The following STAC variants were observed in gnomAD, a reference collection of about 807,000 sequenced individuals.
STAC encodes SH3 and cysteine-rich domain-containing protein.
In STAC, 43 loss-of-function variants were observed where a neutral mutation model predicts 48.8. The observed-to-expected ratio is 0.88, with a 90% CI of 0.69 to 1.14. The LOEUF is 1.14. Ranked by LOEUF, STAC falls within the 50% of genes most tolerant of loss-of-function variation. The pLI, the probability that STAC is intolerant of heterozygous loss-of-function variation, is 0.00. For synonymous variants in STAC, 193 were observed against 179.5 expected (o/e 1.07, Z -0.60); for missense variants, 497 against 504.0 (o/e 0.99, Z 0.13).
chr3:36,437,170 T>A (rs1395890083), intron 1 of STAC, among the ~76,000 whole-genome samples: 9 of 151,546 alleles, frequency 5.9e-5, no homozygotes, highest in African/African-American at 2.2e-4. Flanking sequence ...ACTTTTACAC[T>A]GTTGGTGGGA....
intron 8 of STAC, among the ~76,000 whole-genome samples, chr3:36,512,003 AC>A (rs1362294059): frequency 3.3e-5 from 5 of 152,158 alleles, no homozygotes; most frequent in Admixed American, 2.0e-4. Flanking sequence ...CCTGGCTCAC[AC>A]CCTGAGGTCA....
At chr3:36,505,685 C>G in intron 7 of STAC, 61 bp from the exon 8 acceptor site, 1 of 1,154,654 alleles carries the variant, frequency 8.7e-7, no homozygotes, top group Non-Finnish European at 1.3e-6. Context: ...TGTTTTCTTT[C>G]TTTCCTCTCT....
intron 1 of STAC, among the ~76,000 whole-genome samples, chr3:36,411,332 A>G (rs918304916): frequency 5.3e-5 from 8 of 152,228 alleles, no homozygotes; most frequent in Non-Finnish European, 8.8e-5. Context: ...ATGATGTTCT[A>G]TAACACTGAG....
chr3:36,392,895 A>G (rs1443409656), intron 1 of STAC, among the ~76,000 whole-genome samples: 1 of 152,204 alleles, frequency 6.6e-6, no homozygotes, highest in Non-Finnish European at 1.5e-5. Context: ...CTCCAGCACT[A>G]TTCCTGTTGT....
Position 36,546,372 on chromosome 3 carries a change from G to A in STAC, c.*83G>A. On this transcript the variant is annotated 3_prime_UTR_variant, in exon 11 of 11. Coordinates refer to ENST00000273183, the MANE Select transcript of STAC (RefSeq NM_003149.3). ...TCTCACACTGCGTCAACCCAAAGGA[G>A]CTGCCGCACTGACCCAGCCCCCCAG... is the stretch of plus-strand genomic sequence containing the variant. 2 of 1,212,754 alleles carry A rather than the reference G, an allele frequency of 1.6e-6. No individual in the cohort carries two copies. Among genetic ancestry groups the A allele is most frequent in the Non-Finnish European group, 2.4e-6 (2 of 820,014 alleles). The allele number at this position is 1,212,754 out of a possible 1,614,324, so 75.1% of individuals were successfully genotyped here. A position where few individuals can be genotyped will look rare whatever the true frequency, so the allele number is the denominator to read the frequency against.
chr3:36,490,011 T>TA (rs1268025362), intron 5 of STAC, among the ~76,000 whole-genome samples: 2 of 152,224 alleles, frequency 1.3e-5, no homozygotes, highest in Admixed American at 1.3e-4. Context: ...ATTTCCATTT[T>TA]AAAAACCCCT....
intron 10 of STAC, among the ~76,000 whole-genome samples, chr3:36,530,854 T>G (rs1021562544): frequency 1.3e-5 from 2 of 152,146 alleles, no homozygotes; most frequent in African/African-American, 4.8e-5. Flanking sequence ...CGCCTCGGCC[T>G]CCCAAAGTGC....
chr3:36,399,400 G>T (rs185778054), intron 1 of STAC, among the ~76,000 whole-genome samples: 1 of 151,984 alleles, frequency 6.6e-6, no homozygotes, highest in East Asian at 2.0e-4. Context: ...TTGACAATGG[G>T]TTGATAGACA....
rs113483115 is a variant in STAC at position 36,417,778 on chromosome 3, T to C, written c.112-25586T>C. Among the ~76,000 whole-genome samples, 1,103 of 152,344 alleles carry C rather than the reference T, an allele frequency of 7.2e-3. 7 individuals are homozygous for C. Among genetic ancestry groups the C allele is most frequent in the Non-Finnish European group, 0.012 (789 of 68,018 alleles). ...GACAGATTATGTATTATAGAATTTA[T>C]GTGTTCCTTAACATTTTGGAGAAAC... is the stretch of plus-strand genomic sequence containing the variant. On this transcript the variant is annotated intron_variant, in intron 1 of 10. Coordinates refer to ENST00000273183, the MANE Select transcript of STAC (RefSeq NM_003149.3).
At chr3:36,391,124 T>G (rs1248247275) in intron 1 of STAC, among the ~76,000 whole-genome samples, 1 of 152,134 alleles carries the variant, frequency 6.6e-6, no homozygotes. Context: ...ACTGATTCCT[T>G]AGATCTGGAT....
intron 1 of STAC, among the ~76,000 whole-genome samples, chr3:36,408,133 T>C (rs771416754): frequency 1.7e-4 from 26 of 152,238 alleles, no homozygotes; most frequent in African/African-American, 3.6e-4. Context: ...GACTCTTGTA[T>C]ACAATAACAA....
In STAC at chr3:36,505,776, A is replaced by G. The variant is rs780309660; in HGVS notation, c.862A>G (p.Asn288Asp). 3 of 1,607,624 alleles carry G rather than the reference A, an allele frequency of 1.9e-6. No individual in the cohort carries two copies. Among genetic ancestry groups the G allele is most frequent in the Non-Finnish European group, 2.5e-6 (3 of 1,178,078 alleles). The part of the protein sequence containing the change: ...GSLSKDPLQM[N>D]TYVALYKFVP... ...TCTTTCCAAAGACCCATTACAGATGAACACCTATGTTGCCTTGTACAAATT... is the reference window on the plus strand; with the variant it reads ...TCTTTCCAAAGACCCATTACAGATGGACACCTATGTTGCCTTGTACAAATT... Residue 288 changes from asparagine to aspartate, a missense_variant, in exon 8 of 11, where the codon AAC becomes GAC. Physicochemically the swap from Asn to Asp is conservative, Grantham distance 23. Coordinates refer to ENST00000273183, the MANE Select transcript of STAC (RefSeq NM_003149.3).
intron 1 of STAC, among the ~76,000 whole-genome samples, chr3:36,414,737 G>A (rs1256644985): frequency 6.6e-6 from 1 of 152,192 alleles, no homozygotes; most frequent in African/African-American, 2.4e-5. Context: ...TGGAGGAGGA[G>A]AGGTGCTCTG....
At chr3:36,453,566 G>T (rs1037106706) in intron 2 of STAC, among the ~76,000 whole-genome samples, 1 of 152,342 alleles carries the variant, frequency 6.6e-6, no homozygotes, top group East Asian at 1.9e-4. Flanking sequence ...CCTGCAGCCC[G>T]CCATGCCTGA....
In STAC at chr3:36,480,969, A is replaced by C. The variant is rs139651052; in HGVS notation, c.389-2023A>C. Among the ~76,000 whole-genome samples, 83 of 152,362 alleles carry C rather than the reference A, an allele frequency of 5.4e-4. No homozygotes were observed. In the East Asian group the frequency reaches 8.7e-3, roughly 16 times the overall value. Reference sequence around the variant, plus strand: ...TTCAAATAAATAATAATTGTGATAAATGATGTGAAAGATAACCACAGAGTG... The same window carrying C: ...TTCAAATAAATAATAATTGTGATAACTGATGTGAAAGATAACCACAGAGTG... On this transcript the variant is annotated intron_variant, in intron 2 of 10. Coordinates refer to ENST00000273183, the MANE Select transcript of STAC (RefSeq NM_003149.3).
chr3:36,479,256 A>C (rs1013103375), intron 2 of STAC, among the ~76,000 whole-genome samples: 1 of 152,188 alleles, frequency 6.6e-6, no homozygotes, highest in Non-Finnish European at 1.5e-5. Flanking sequence ...TCTGGGTTGC[A>C]AATCTTTTTT....
chr3:36,523,640 T>A (rs1230314818), intron 8 of STAC, among the ~76,000 whole-genome samples: 1 of 152,186 alleles, frequency 6.6e-6, no homozygotes, highest in South Asian at 2.1e-4. Context: ...TTCTCAAATG[T>A]GCCTGTAGTG....
chr3:36,467,464 G>A (rs1697210717), intron 2 of STAC, among the ~76,000 whole-genome samples: 1 of 152,072 alleles, frequency 6.6e-6, no homozygotes, highest in African/African-American at 2.4e-5. Flanking sequence ...CTATGAATCT[G>A]TGCGGTTCTG....
At chr3:36,477,202 G>A (rs573439247) in intron 2 of STAC, among the ~76,000 whole-genome samples, 6 of 152,204 alleles carry the variant, frequency 3.9e-5, no homozygotes, top group Admixed American at 2.0e-4. Context: ...TCTGGAAGCA[G>A]ACTAATTATT....
Sources: gnomAD v4.1 joint callset for allele counts (sites outside exome capture counted in the v4.1 genomes callset) on GRCh38, gnomAD v4.1.1 for gene constraint, MANE v1.5 for transcripts, NCBI Gene and HGNC (gene_info 2026-07-23, HGNC 2026-07-21) for gene names.